MACROD2: variants seen among roughly 807,000 people sequenced by gnomAD.
The protein encoded by MACROD2 is ADP-ribose glycohydrolase MACROD2.
Under a neutral mutation model 70.4 loss-of-function variants are expected in MACROD2, and 36 were observed. That is an observed-to-expected ratio of 0.51 (90% CI 0.39 to 0.68). The LOEUF (loss-of-function observed/expected upper bound fraction) is 0.68, where lower values mean the gene tolerates loss of function less well. Ranked by LOEUF, MACROD2 falls within the 30% of genes least tolerant of loss-of-function variation. The pLI is 0.00. For synonymous variants in MACROD2, 172 were observed against 178.8 expected, an observed-to-expected ratio of 0.96 and a Z score of 0.30; for missense variants, 496 against 538.4, an observed-to-expected ratio of 0.92 and a Z score of 0.78.
chr20:14,173,131 GC>G (rs1373746972), intron 3 of MACROD2, among the ~76,000 whole-genome samples: 1 of 152,030 alleles, frequency 6.6e-6, no homozygotes, highest in African/African-American at 2.4e-5. Flanking sequence ...TGATCTTTTT[GC>G]GATAAATTTT....
At chr20:14,124,078 C>A (rs559698191) in intron 3 of MACROD2, among the ~76,000 whole-genome samples, 3 of 152,192 alleles carry the variant, frequency 2.0e-5, no homozygotes, top group African/African-American at 7.2e-5. Context: ...CTCCAAAAAG[C>A]AAATGGCAGT....
At chr20:15,714,700 T>A (rs1048026039) in intron 8 of MACROD2, among the ~76,000 whole-genome samples, 1 of 152,174 alleles carries the variant, frequency 6.6e-6, no homozygotes, top group Admixed American at 6.5e-5. Flanking sequence ...TTGTGCCATA[T>A]ACTTTTTAAA....
At chr20:14,219,164 C>T (rs1401590370) in intron 3 of MACROD2, among the ~76,000 whole-genome samples, 3 of 152,214 alleles carry the variant, frequency 2.0e-5, no homozygotes, top group African/African-American at 7.2e-5. Flanking sequence ...TCCTCAGGAA[C>T]ACTGATTATT....
intron 8 of MACROD2, among the ~76,000 whole-genome samples, chr20:15,645,960 C>T (rs1374255951): frequency 6.6e-6 from 1 of 152,106 alleles, no homozygotes; most frequent in African/African-American, 2.4e-5. Flanking sequence ...ATTTGCTGTT[C>T]ACAAATCCAT....
In MACROD2 at chr20:14,401,740, G is replaced by GT. The variant is rs951345474; in HGVS notation, c.272-91730dup. On this transcript the variant is annotated intron_variant, in intron 3 of 17. Coordinates refer to ENST00000684519, the MANE Select transcript of MACROD2 (RefSeq NM_001351661.2). ...GTTTTGTTGGTTCACAGATCTGTCT[G>GT]TTTTTTTTTCCCCAATACAAATTTG... Among the ~76,000 whole-genome samples, 190 of 150,946 alleles carry GT rather than the reference G, an allele frequency of 1.3e-3. 2 individuals carry two copies. The highest frequency in any genetic ancestry group is 1.5e-3 in the Non-Finnish European group (103 of 67,624).
intron 5 of MACROD2, among the ~76,000 whole-genome samples, chr20:15,199,167 G>A (rs2076633573): frequency 6.6e-6 from 1 of 151,948 alleles, no homozygotes; most frequent in Admixed American, 6.6e-5. Flanking sequence ...GTCCAACCCG[G>A]CCAATATAGA....
intron 8 of MACROD2, among the ~76,000 whole-genome samples, chr20:15,674,449 C>T (rs993758701): frequency 3.3e-5 from 5 of 151,886 alleles, no homozygotes; most frequent in Admixed American, 6.6e-5. Context: ...GTGAAATAGG[C>T]GAGTCATCAA....
intron 5 of MACROD2, among the ~76,000 whole-genome samples, chr20:15,112,040 G>A (rs2075959365): frequency 6.6e-6 from 1 of 152,180 alleles, no homozygotes; most frequent in South Asian, 2.1e-4. Context: ...TGACCCTATT[G>A]AAACCTGATA....
At chr20:15,999,638 A>G (rs985389987) in intron 15 of MACROD2, among the ~76,000 whole-genome samples, 7 of 152,200 alleles carry the variant, frequency 4.6e-5, no homozygotes, top group Admixed American at 1.3e-4. Context: ...TTTGCTTTAT[A>G]TATTTAGATG....
intron 3 of MACROD2, among the ~76,000 whole-genome samples, chr20:14,239,498 G>T (rs1013635505): frequency 1.3e-5 from 2 of 152,134 alleles, no homozygotes; most frequent in African/African-American, 4.8e-5. Context: ...TAACTGAAAC[G>T]GCATGATACT....
chr20:15,348,884 A>G (rs2078196313), intron 6 of MACROD2, among the ~76,000 whole-genome samples: 1 of 152,178 alleles, frequency 6.6e-6, no homozygotes, highest in African/African-American at 2.4e-5. Flanking sequence ...GCCAAACAAT[A>G]TCATTGTGTT....
intron 5 of MACROD2, among the ~76,000 whole-genome samples, chr20:15,093,218 T>C (rs1182731210): frequency 4.6e-5 from 7 of 152,132 alleles, no homozygotes; most frequent in African/African-American, 1.4e-4. Context: ...TTTTAGAAAA[T>C]CGTGGTTTGT....
intron 3 of MACROD2, among the ~76,000 whole-genome samples, chr20:14,126,624 A>G (rs2054654303): frequency 6.6e-6 from 1 of 152,132 alleles, no homozygotes; most frequent in African/African-American, 2.4e-5. Flanking sequence ...TCCATGTCAA[A>G]TTTTGGTAAT....
At chr20:14,897,609 A>C (rs2073846046) in intron 5 of MACROD2, among the ~76,000 whole-genome samples, 1 of 152,128 alleles carries the variant, frequency 6.6e-6, no homozygotes, top group Non-Finnish European at 1.5e-5. Flanking sequence ...AACAACAGAA[A>C]TTGACTTTGG....
chr20:14,502,132 A>C (rs1317023295), intron 4 of MACROD2, among the ~76,000 whole-genome samples: 2 of 152,232 alleles, frequency 1.3e-5, no homozygotes, highest in East Asian at 3.8e-4. Flanking sequence ...CTGCAGGTCA[A>C]GCCTGTTATG....
intron 10 of MACROD2, among the ~76,000 whole-genome samples, chr20:15,905,220 G>A (rs894856317): frequency 2.0e-5 from 3 of 151,978 alleles, no homozygotes; most frequent in Admixed American, 6.6e-5. Flanking sequence ...GAACATCTAG[G>A]GCAACACTCT....
At chr20:15,090,278 C>G (rs1054638072) in intron 5 of MACROD2, among the ~76,000 whole-genome samples, 3 of 151,846 alleles carry the variant, frequency 2.0e-5, no homozygotes, top group African/African-American at 7.3e-5. Flanking sequence ...GTTAAGAATG[C>G]TAATTAACTT....
chr20:14,972,745 T>C (rs2074703085), intron 5 of MACROD2, among the ~76,000 whole-genome samples: 1 of 152,186 alleles, frequency 6.6e-6, no homozygotes, highest in African/African-American at 2.4e-5. Flanking sequence ...GTGCTTACAA[T>C]TTCCATCTTA....
rs573661726 is a variant in MACROD2, at chr20:15,562,561, C to T, written c.645+62714C>T. Among the ~76,000 whole-genome samples, 4 of 152,236 alleles carry T rather than the reference C, an allele frequency of 2.6e-5. No homozygotes were observed. The South Asian group carries it at 8.3e-4, about 32-fold the overall frequency. On this transcript the variant is annotated intron_variant, in intron 8 of 17. Transcript: ENST00000684519. ...AATGTTTGTGTGTGTGTGTTACAGG[C>T]TTGTTGGAGTTCATCACTTTACTTT... is the stretch of plus-strand genomic sequence containing the variant.
Sources: allele counts gnomAD v4.1 joint callset (sites outside exome capture counted in the v4.1 genomes callset), GRCh38; gene constraint gnomAD v4.1.1; transcripts MANE v1.5; gene names NCBI Gene and HGNC (gene_info 2026-07-23, HGNC 2026-07-21).